Variants in BRINP3 observed in about 807,000 individuals in gnomAD.
BRINP3 encodes the protein BMP/retinoic acid inducible neural specific 3, also known as BMP/retinoic acid-inducible neural-specific protein 3.
A neutral mutation model predicts 71.0 loss-of-function variants in BRINP3; 19 were observed. The ratio of observed to expected loss-of-function variants is 0.27; its 90% CI spans 0.19 to 0.39. BRINP3 has a LOEUF of 0.39. BRINP3 is among the 10% of genes least tolerant of loss of function. The pLI, the probability that BRINP3 is intolerant of heterozygous loss-of-function variation, is 1.00. For missense variants in BRINP3, 959 were observed against 940.8 expected, an observed-to-expected ratio of 1.02 and a Z score of -0.25; for synonymous variants, 380 against 337.7, an observed-to-expected ratio of 1.13 and a Z score of -1.37.
chr1:190,258,665 G>A (rs1660893603), intron 4 of BRINP3, among the ~76,000 whole-genome samples: 5 of 152,172 alleles, frequency 3.3e-5, no homozygotes, highest in Admixed American at 3.3e-4. Flanking sequence ...CCAACAAATT[G>A]TATAATTTCA....
At chr1:190,205,483 T>A (rs1375905501) in intron 6 of BRINP3, among the ~76,000 whole-genome samples, 1 of 152,112 alleles carries the variant, frequency 6.6e-6, no homozygotes, top group African/African-American at 2.4e-5. Flanking sequence ...TCATTAGTTA[T>A]CTAACCTGCT....
intron 2 of BRINP3, among the ~76,000 whole-genome samples, chr1:190,353,324 C>T (rs190339507): frequency 1.4e-3 from 207 of 152,062 alleles, no homozygotes; most frequent in South Asian, 2.1e-3. Flanking sequence ...GGAATAATGA[C>T]ATTGTAAGCC....
At chr1:190,136,208 T>G (rs1654966987) in intron 7 of BRINP3, among the ~76,000 whole-genome samples, 1 of 152,112 alleles carries the variant, frequency 6.6e-6, no homozygotes, top group Non-Finnish European at 1.5e-5. Flanking sequence ...ATTGCTATCA[T>G]TTTTTGAAAA....
intron 2 of BRINP3, among the ~76,000 whole-genome samples, chr1:190,343,532 A>G (rs1667809015): frequency 6.6e-6 from 1 of 151,796 alleles, no homozygotes; most frequent in African/African-American, 2.4e-5. Flanking sequence ...GAAGGATGAC[A>G]TATAAATTAA....
intron 7 of BRINP3, among the ~76,000 whole-genome samples, chr1:190,124,188 TG>T (rs1653905054): frequency 6.6e-6 from 1 of 152,160 alleles, no homozygotes; most frequent in African/African-American, 2.4e-5. Flanking sequence ...GTCTGATCCT[TG>T]AGAAAGTGGG....
At chr1:190,264,164 C>A (rs1250950140) in intron 4 of BRINP3, among the ~76,000 whole-genome samples, 2 of 152,068 alleles carry the variant, frequency 1.3e-5, no homozygotes, top group East Asian at 1.9e-4. Context: ...TAGGAGACAA[C>A]AATTTCTCCT....
intron 2 of BRINP3, among the ~76,000 whole-genome samples, chr1:190,290,895 G>T (rs1004391014): frequency 6.6e-6 from 1 of 151,302 alleles, no homozygotes; most frequent in South Asian, 2.1e-4. Context: ...GTGAGTGTTT[G>T]TGTGTGTGTG....
At chr1:190,115,463 A>G (rs1477587388) in intron 7 of BRINP3, among the ~76,000 whole-genome samples, 1 of 152,186 alleles carries the variant, frequency 6.6e-6, no homozygotes, top group African/African-American at 2.4e-5. Context: ...AAATGAGAAG[A>G]GCAAATCAAA....
At chr1:190,100,920 ATG>A (rs1651647150) in intron 7 of BRINP3, among the ~76,000 whole-genome samples, 2 of 152,140 alleles carry the variant, frequency 1.3e-5, no homozygotes, top group African/African-American at 2.4e-5. Flanking sequence ...ATGGAATATG[ATG>A]TGTCCTTGGA....
At chr1:190,287,679 A>G (rs971161675) in intron 2 of BRINP3, among the ~76,000 whole-genome samples, 1 of 152,200 alleles carries the variant, frequency 6.6e-6, no homozygotes, top group Non-Finnish European at 1.5e-5. Flanking sequence ...AATTGGCATG[A>G]CTGCAACAAA....
Position 190,277,113 on chromosome 1 carries a change from A to ATATATT in BRINP3, c.427+4441_427+4446dup, listed in dbSNP as rs1553276688. Among the ~76,000 whole-genome samples, 279 of 107,276 alleles carry ATATATT rather than the reference A, an allele frequency of 2.6e-3. 5 individuals are homozygous for ATATATT. The highest frequency in any genetic ancestry group is 7.1e-3 in the African/African-American group (208 of 29,318). 70.4% of individuals were successfully genotyped at this position (107,276 alleles called of 152,430 possible). The stretch of plus-strand genomic sequence containing the variant: ...TATATATATATATATATATATATAT[A>ATATATT]TATATTTATATTCAGAAAAGAAAAC... On this transcript the variant is annotated intron_variant, in intron 3 of 7. Coordinates refer to ENST00000367462, the MANE Select transcript of BRINP3 (RefSeq NM_199051.3).
At chr1:190,283,163 A>G (rs1364678535) in intron 2 of BRINP3, among the ~76,000 whole-genome samples, 2 of 151,974 alleles carry the variant, frequency 1.3e-5, no homozygotes, top group African/African-American at 2.4e-5. Context: ...CCTGAACATA[A>G]ATTAGAAATT....
At chr1:190,326,482 C>T (rs1202488947) in intron 2 of BRINP3, among the ~76,000 whole-genome samples, 4 of 151,960 alleles carry the variant, frequency 2.6e-5, no homozygotes, top group South Asian at 2.1e-4. Flanking sequence ...ACAAAATAAT[C>T]ATCACCATGA....
intron 6 of BRINP3, among the ~76,000 whole-genome samples, chr1:190,204,258 G>T (rs1298657642): frequency 6.6e-6 from 1 of 151,818 alleles, no homozygotes; most frequent in Admixed American, 6.6e-5. Flanking sequence ...TATACCTGGA[G>T]TGTCTGTAAA....
chr1:190,289,939 A>T (rs1663732829), intron 2 of BRINP3, among the ~76,000 whole-genome samples: 1 of 151,972 alleles, frequency 6.6e-6, no homozygotes, highest in Non-Finnish European at 1.5e-5. Context: ...TCTTATAACC[A>T]TTGTATTTTT....
chr1:190,374,704 C>A (rs543942019), intron 2 of BRINP3, among the ~76,000 whole-genome samples: 1 of 151,368 alleles, frequency 6.6e-6, no homozygotes, highest in South Asian at 2.1e-4. Flanking sequence ...ATATAAATAA[C>A]AATAATAAGA....
At chr1:190,298,643 A>C (rs558913968) in intron 2 of BRINP3, among the ~76,000 whole-genome samples, 1 of 152,118 alleles carries the variant, frequency 6.6e-6, no homozygotes, top group South Asian at 2.1e-4. Context: ...TTTCCTTGTC[A>C]TTCTAGTATT....
At chr1:190,306,032 A>G (rs932997392) in intron 2 of BRINP3, among the ~76,000 whole-genome samples, 4 of 151,896 alleles carry the variant, frequency 2.6e-5, no homozygotes, top group Non-Finnish European at 4.4e-5. Context: ...GCAATATTCA[A>G]CTGACACCCT....
At chr1:190,297,028 A>AT (rs1664300637) in intron 2 of BRINP3, among the ~76,000 whole-genome samples, 1 of 152,100 alleles carries the variant, frequency 6.6e-6, no homozygotes, top group Admixed American at 6.6e-5. Flanking sequence ...TTTCAATGGC[A>AT]TTTTTCACAA....
Sources: gnomAD v4.1 joint callset for allele counts (sites outside exome capture counted in the v4.1 genomes callset) on GRCh38, gnomAD v4.1.1 for gene constraint, MANE v1.5 for transcripts, NCBI Gene and HGNC (gene_info 2026-07-23, HGNC 2026-07-21) for gene names.